Variants in RAP1A observed in about 807,000 individuals in gnomAD.
The protein encoded by RAP1A is RAP1A, member of RAS oncogene family, also known as ras-related protein Rap-1A.
A neutral mutation model predicts 26.4 loss-of-function variants in RAP1A; 6 were observed. The ratio of observed to expected loss-of-function variants is 0.23; its 90% CI spans 0.12 to 0.45. The LOEUF is 0.45. Ranked by LOEUF, RAP1A falls within the 20% of genes least tolerant of loss-of-function variation. The pLI is 0.99. For synonymous variants in RAP1A, 73 were observed against 79.4 expected (o/e 0.92, Z 0.43); for missense variants, 121 against 217.2 (o/e 0.56, Z 2.78).
At chr1:111,628,494 T>C (rs554647417) in intron 1 of RAP1A, among the ~76,000 whole-genome samples, 6 of 152,316 alleles carry the variant, frequency 3.9e-5, no homozygotes, top group African/African-American at 1.4e-4. Context: ...CATTGAATGC[T>C]ACGTTGATAA....
In RAP1A at chr1:111,664,395, A is replaced by AAAAC. The variant is rs1376956989; in HGVS notation, c.-27-26935_-27-26932dup. Among the ~76,000 whole-genome samples the AAAAC allele has an allele frequency of 1.9e-4, 27 of 144,816 alleles. 1 individual carries two copies. The highest frequency in any genetic ancestry group is 2.0e-4 in the East Asian group (1 of 4,886). On this transcript the variant is annotated intron_variant, in intron 1 of 7. Coordinates refer to ENST00000369709, the MANE Select transcript of RAP1A (RefSeq NM_002884.4). ...TCTCAAAAAAAAAAAAAAAAAAAAA[A>AAAAC]AAACAAAAAACAAAACCACATATGT... is the stretch of plus-strand genomic sequence containing the variant.
At position 111,702,311 on chromosome 1, in the gene RAP1A, A is replaced by G. The variant is rs528795777; in HGVS notation, c.184-1025A>G. The stretch of plus-strand genomic sequence containing the variant: ...CATATGTGCTTTTTAAGTAATATAT[A>G]TATATAATACCAAAACTTTTCTAAA... On this transcript the variant is annotated intron_variant, in intron 4 of 7. Coordinates refer to ENST00000369709, the MANE Select transcript of RAP1A (RefSeq NM_002884.4). Among the ~76,000 whole-genome samples the G allele has an allele frequency of 2.0e-5, 3 of 152,242 alleles. No homozygotes were observed. In the South Asian group the frequency reaches 6.2e-4, roughly 32 times the overall value.
At chr1:111,709,013 C>A (rs574260520) in intron 6 of RAP1A, 136 bp from the exon 7 acceptor site, 186 of 1,180,594 alleles carry the variant, frequency 1.6e-4, no homozygotes, top group Non-Finnish European at 2.0e-4. Flanking sequence ...TCAGCAGAGC[C>A]TTCTAACAAA....
intron 1 of RAP1A, among the ~76,000 whole-genome samples, chr1:111,549,767 G>GC (rs576157247): frequency 8.8e-4 from 134 of 152,072 alleles, no homozygotes; most frequent in Admixed American, 4.7e-3. Context: ...TTCCACTGCA[G>GC]CCCCCCATGT....
chr1:111,570,244 C>T (rs182207502), intron 1 of RAP1A, among the ~76,000 whole-genome samples: 41 of 152,274 alleles, frequency 2.7e-4, no homozygotes, highest in African/African-American at 9.9e-4. Context: ...ATCCATTTCA[C>T]AGTCCTATTG....
intron 1 of RAP1A, among the ~76,000 whole-genome samples, chr1:111,577,740 G>T (rs2101058770): frequency 6.6e-6 from 1 of 152,250 alleles, no homozygotes; most frequent in Admixed American, 6.5e-5. Context: ...GAGACATAAA[G>T]CATATAAAGT....
At chr1:111,606,903 G>A (rs950714466) in intron 1 of RAP1A, among the ~76,000 whole-genome samples, 3 of 152,130 alleles carry the variant, frequency 2.0e-5, no homozygotes, top group African/African-American at 4.8e-5. Context: ...ACAAGAACTG[G>A]CTCATCAGGA....
intron 7 of RAP1A, among the ~76,000 whole-genome samples, chr1:111,711,554 A>G (rs1662386049): frequency 6.6e-6 from 1 of 152,230 alleles, no homozygotes; most frequent in Non-Finnish European, 1.5e-5. Flanking sequence ...AGTTTACTTA[A>G]TAAGTCATCC....
chr1:111,581,691 G>A (rs1385134348), intron 1 of RAP1A, among the ~76,000 whole-genome samples: 2 of 152,136 alleles, frequency 1.3e-5, no homozygotes, highest in African/African-American at 4.8e-5. Flanking sequence ...CTTAAGCATG[G>A]CATAAAAAAA....
At position 111,641,675 on chromosome 1, in the gene RAP1A, A is replaced by G. The variant is rs150755233; in HGVS notation, c.-28+21741A>G. Among the ~76,000 whole-genome samples the G allele has an allele frequency of 1.2e-3, 190 of 152,210 alleles. 1 individual carries two copies. The highest frequency in any genetic ancestry group is 2.4e-3 in the Non-Finnish European group (160 of 68,010). On this transcript the variant is annotated intron_variant, in intron 1 of 7. Coordinates refer to ENST00000369709, the MANE Select transcript of RAP1A (RefSeq NM_002884.4). ...CGCGCGCATGCACATAGGTCTTTGT[A>G]ATCCTTTAAATTCTCTAAGAAATGT...
chr1:111,590,896 A>G (rs1371790913), intron 1 of RAP1A, among the ~76,000 whole-genome samples: 2 of 152,204 alleles, frequency 1.3e-5, no homozygotes, highest in African/African-American at 4.8e-5. Flanking sequence ...TTCTGCCAGC[A>G]CTATAAAATA....
chr1:111,680,549 C>T (rs976478532), intron 1 of RAP1A: 1 of 152,526 alleles, frequency 6.6e-6, no homozygotes, highest in Non-Finnish European at 1.5e-5. Flanking sequence ...CAAACGTTTT[C>T]CAAGTCCCCA....
intron 1 of RAP1A, among the ~76,000 whole-genome samples, chr1:111,639,745 A>G (rs1158542435): frequency 2.0e-5 from 3 of 152,200 alleles, no homozygotes; most frequent in Non-Finnish European, 4.4e-5. Flanking sequence ...GGCATTTCAG[A>G]CAGGACTGTT....
chr1:111,647,104 A>G (rs1421878798), intron 1 of RAP1A, among the ~76,000 whole-genome samples: 1 of 152,212 alleles, frequency 6.6e-6, no homozygotes, highest in African/African-American at 2.4e-5. Context: ...CAGGCTGCAC[A>G]GCAGGAGGTA....
At chr1:111,598,919 G>A (rs960881827) in intron 1 of RAP1A, among the ~76,000 whole-genome samples, 2 of 152,148 alleles carry the variant, frequency 1.3e-5, no homozygotes, top group African/African-American at 4.8e-5. Flanking sequence ...GGATTCCTAC[G>A]ATCCTCTCTT....
At chr1:111,548,162 A>G (rs1251732292) in intron 1 of RAP1A, among the ~76,000 whole-genome samples, 1 of 152,224 alleles carries the variant, frequency 6.6e-6, no homozygotes, top group East Asian at 1.9e-4. Flanking sequence ...CTGGAACTAC[A>G]GGCATGTGCC....
intron 1 of RAP1A, among the ~76,000 whole-genome samples, chr1:111,554,512 A>G (rs1321889824): frequency 6.6e-6 from 1 of 152,250 alleles, no homozygotes; most frequent in African/African-American, 2.4e-5. Context: ...ACTTGGCTAC[A>G]GGACAATAAG....
chr1:111,621,807 G>A (rs1659212068), intron 1 of RAP1A, among the ~76,000 whole-genome samples: 1 of 152,174 alleles, frequency 6.6e-6, no homozygotes, highest in Non-Finnish European at 1.5e-5. Flanking sequence ...TTATGTCTTA[G>A]AAGTGAACTG....
chr1:111,638,547 C>T (rs1659794287), intron 1 of RAP1A, among the ~76,000 whole-genome samples: 1 of 152,150 alleles, frequency 6.6e-6, no homozygotes, highest in Admixed American at 6.5e-5. Context: ...ACCTTAGCCT[C>T]CTGAGTAGCT....
Sources: allele counts gnomAD v4.1 joint callset (sites outside exome capture counted in the v4.1 genomes callset), GRCh38; gene constraint gnomAD v4.1.1; transcripts MANE v1.5; gene names NCBI Gene and HGNC (gene_info 2026-07-23, HGNC 2026-07-21).